The following TAFA1 variants were observed in gnomAD, a reference collection of about 807,000 sequenced individuals.
TAFA1 encodes TAFA chemokine like family member 1.
A neutral mutation model predicts 18.5 loss-of-function variants in TAFA1; 4 were observed. That is an observed-to-expected ratio of 0.22 (90% CI 0.11 to 0.49). TAFA1 has a LOEUF of 0.49. TAFA1 is among the 20% of genes least tolerant of loss of function. The pLI is 0.98. For missense variants in TAFA1, 147 were observed against 169.0 expected, an observed-to-expected ratio of 0.87 and a Z score of 0.72; for synonymous variants, 56 against 55.2, an observed-to-expected ratio of 1.01 and a Z score of -0.06.
intron 3 of TAFA1, among the ~76,000 whole-genome samples, chr3:68,538,552 A>T (rs2106788861): frequency 6.6e-6 from 1 of 152,306 alleles, no homozygotes; most frequent in African/African-American, 2.4e-5. Flanking sequence ...TGCTTGATGA[A>T]ACCAGTCCAC....
intron 2 of TAFA1, among the ~76,000 whole-genome samples, chr3:68,331,249 G>C (rs1402425436): frequency 6.6e-6 from 1 of 152,104 alleles, no homozygotes; most frequent in Non-Finnish European, 1.5e-5. Context: ...ATCTATTGAA[G>C]CAGGAAGTAA....
At chr3:68,082,516 A>G (rs1352843212) in intron 2 of TAFA1, among the ~76,000 whole-genome samples, 2 of 152,262 alleles carry the variant, frequency 1.3e-5, no homozygotes, top group African/African-American at 4.8e-5. Context: ...CAAACAAATT[A>G]TTAATCTCTC....
At chr3:68,368,293 C>G (rs1013327018) in intron 2 of TAFA1, among the ~76,000 whole-genome samples, 4 of 152,148 alleles carry the variant, frequency 2.6e-5, no homozygotes, top group Non-Finnish European at 5.9e-5. Context: ...TATATGTTTT[C>G]TCTGGTTAGT....
At chr3:68,245,336 G>T (rs1412396572) in intron 2 of TAFA1, among the ~76,000 whole-genome samples, 1 of 152,100 alleles carries the variant, frequency 6.6e-6, no homozygotes, top group Non-Finnish European at 1.5e-5. Flanking sequence ...TTTAGCAGAG[G>T]CCATGTAGCT....
At chr3:68,136,331 T>C (rs1018768885) in intron 2 of TAFA1, among the ~76,000 whole-genome samples, 1 of 152,200 alleles carries the variant, frequency 6.6e-6, no homozygotes, top group Non-Finnish European at 1.5e-5. Context: ...TAAATATGCA[T>C]GCATTTGAAA....
chr3:68,416,231 C>G (rs186869048), intron 2 of TAFA1, among the ~76,000 whole-genome samples: 10 of 152,242 alleles, frequency 6.6e-5, no homozygotes, highest in Middle Eastern at 3.4e-3. Context: ...CTTAAGTCTT[C>G]TCTCCTTCCT....
At chr3:68,116,490 G>C (rs2106848249) in intron 2 of TAFA1, among the ~76,000 whole-genome samples, 1 of 152,140 alleles carries the variant, frequency 6.6e-6, no homozygotes, top group East Asian at 1.9e-4. Context: ...CTATTTCTCT[G>C]TTATTCTTTC....
chr3:68,289,327 C>T (rs755734269), intron 2 of TAFA1, among the ~76,000 whole-genome samples: 3 of 152,130 alleles, frequency 2.0e-5, no homozygotes, highest in Non-Finnish European at 4.4e-5. Context: ...GTCCAACTTA[C>T]GACTCTTTCC....
At chr3:68,372,624 C>A (rs2638075) in intron 2 of TAFA1, among the ~76,000 whole-genome samples, 72 of 151,702 alleles carry the variant, frequency 4.7e-4, no homozygotes, top group Non-Finnish European at 8.1e-4. Flanking sequence ...TGAAGAAATT[C>A]TAGAGCATAA....
intron 3 of TAFA1, among the ~76,000 whole-genome samples, chr3:68,492,345 A>G (rs923932230): frequency 6.6e-6 from 1 of 152,056 alleles, no homozygotes. Flanking sequence ...AGTACTTTCC[A>G]AAATACTCAG....
intron 2 of TAFA1, among the ~76,000 whole-genome samples, chr3:68,291,256 C>T (rs1482084424): frequency 2.0e-5 from 3 of 152,096 alleles, no homozygotes; most frequent in African/African-American, 7.2e-5. Flanking sequence ...GCTAGAGTCT[C>T]GGACTGTAAG....
At chr3:68,131,741 A>G (rs1021282104) in intron 2 of TAFA1, among the ~76,000 whole-genome samples, 7 of 152,194 alleles carry the variant, frequency 4.6e-5, no homozygotes, top group African/African-American at 1.7e-4. Flanking sequence ...GCTGGAGTTC[A>G]GCTTTTAGAG....
intron 2 of TAFA1, among the ~76,000 whole-genome samples, chr3:68,344,505 T>C (rs1336959733): frequency 6.6e-6 from 1 of 152,230 alleles, no homozygotes; most frequent in African/African-American, 2.4e-5. Context: ...ACGTGTGTGA[T>C]GACAGGCTTG....
chr3:68,390,216 C>T (rs1005545311), intron 2 of TAFA1, among the ~76,000 whole-genome samples: 17 of 152,182 alleles, frequency 1.1e-4, no homozygotes, highest in Admixed American at 3.3e-4. Context: ...GTTTTCCCCT[C>T]ACAGTGTAAA....
At chr3:68,206,753 C>T (rs891913298) in intron 2 of TAFA1, among the ~76,000 whole-genome samples, 5 of 151,922 alleles carry the variant, frequency 3.3e-5, no homozygotes, top group African/African-American at 1.2e-4. Flanking sequence ...TTACCTTAAG[C>T]CCAAGATAAC....
chr3:68,443,588 TG>T (rs2071425697), intron 3 of TAFA1, among the ~76,000 whole-genome samples: 1 of 152,068 alleles, frequency 6.6e-6, no homozygotes, highest in Non-Finnish European at 1.5e-5. Flanking sequence ...TCTCACATTA[TG>T]GCAGACAAGG....
chr3:68,455,352 TG>T (rs2071642408), intron 3 of TAFA1, among the ~76,000 whole-genome samples: 1 of 152,086 alleles, frequency 6.6e-6, no homozygotes, highest in Non-Finnish European at 1.5e-5. Context: ...ATTTGTCTGA[TG>T]TTTTTGCTTT....
chr3:68,424,627 A>G (rs2071019579), intron 3 of TAFA1, among the ~76,000 whole-genome samples: 1 of 151,972 alleles, frequency 6.6e-6, no homozygotes. Flanking sequence ...TTTCCTAGAG[A>G]CAGCCATGGT....
intron 2 of TAFA1, among the ~76,000 whole-genome samples, chr3:68,404,448 A>G (rs1174108634): frequency 3.3e-5 from 5 of 152,202 alleles, no homozygotes; most frequent in Non-Finnish European, 7.3e-5. Flanking sequence ...AGTGGTCCAT[A>G]GATGAAAGTA....
Sources: gnomAD v4.1 joint callset for allele counts (sites outside exome capture counted in the v4.1 genomes callset) on GRCh38, gnomAD v4.1.1 for gene constraint, MANE v1.5 for transcripts, NCBI Gene and HGNC (gene_info 2026-07-23, HGNC 2026-07-21) for gene names.